Variants in PRR11 observed in about 807,000 individuals in gnomAD.
The protein encoded by PRR11 is proline rich 11.
PRR11 carries 30 observed loss-of-function variants against 45.6 expected under a neutral mutation model. That is an observed-to-expected ratio of 0.66 (90% CI 0.49 to 0.89). The LOEUF (loss-of-function observed/expected upper bound fraction) is 0.89, where lower values mean the gene tolerates loss of function less well. Ranked by LOEUF, PRR11 falls within the 40% of genes least tolerant of loss-of-function variation. The pLI, the probability that PRR11 is intolerant of heterozygous loss-of-function variation, is 0.00. For synonymous variants in PRR11, 128 were observed against 153.5 expected (o/e 0.83, Z 1.23); for missense variants, 373 against 424.8 (o/e 0.88, Z 1.07).
chr17:59,171,056 G>C (rs1277505877), intron 2 of PRR11, among the ~76,000 whole-genome samples: 1 of 151,848 alleles, frequency 6.6e-6, no homozygotes, highest in Non-Finnish European at 1.5e-5. Context: ...TCAGGAGATC[G>C]AGACCATCCT....
chr17:59,164,588 C>T (rs2046669903), intron 1 of PRR11, among the ~76,000 whole-genome samples: 1 of 152,104 alleles, frequency 6.6e-6, no homozygotes, highest in Non-Finnish European at 1.5e-5. Flanking sequence ...GATTCTAGGG[C>T]TCCCAATCAG....
chr17:59,193,693 C>G lies in PRR11; in HGVS notation c.604C>G (p.Pro202Ala). The G allele has an allele frequency of 6.2e-7, 1 of 1,614,030 alleles. No individual in the cohort carries two copies. Among genetic ancestry groups the G allele is most frequent in the Middle Eastern group, 1.6e-4 (1 of 6,062 alleles). ...GCCACCTCCTCCACCACCACTAGCA[C>G]CTGTGTTGCTCAGAAAACCCAGTCT... Reference protein sequence around the residue: ...PLPPPPPPLAPVLLRKPSLAK... With the variant: ...PLPPPPPPLAAVLLRKPSLAK... Residue 202 changes from proline to alanine, a missense_variant, in exon 5 of 10, where the codon CCT (proline) becomes GCT (alanine). Physicochemically the swap from Pro to Ala is conservative, Grantham distance 27. Transcript: ENST00000262293.
intron 5 of PRR11, 36 bp downstream of exon 5, chr17:59,193,770 GT>G: frequency 1.9e-6 from 3 of 1,599,892 alleles, no homozygotes; most frequent in Non-Finnish European, 2.6e-6. Flanking sequence ...GTTTTGATAT[GT>G]TTTGGTGAGT....
intron 2 of PRR11, chr17:59,175,020 C>T (rs554301710): frequency 5.5e-5 from 37 of 677,602 alleles, no homozygotes; most frequent in African/African-American, 3.1e-4. Flanking sequence ...GAACTGGAAC[C>T]GAAGTTTATG....
At chr17:59,180,510 G>GTTTTTTTTTTTTTTT (rs1555716481) in intron 2 of PRR11, among the ~76,000 whole-genome samples, 1 of 108,634 alleles carries the variant, frequency 9.2e-6, no homozygotes, top group African/African-American at 4.4e-5. Context: ...TTTTTTTTTT[G>GTTTTTTTTTTTTTTT]TTTTTTTTGT....
intron 4 of PRR11, 64 bp from the exon 5 acceptor site, chr17:59,193,428 A>T: frequency 3.3e-5 from 51 of 1,542,994 alleles, no homozygotes; most frequent in Non-Finnish European, 4.2e-5. Context: ...TATTTTGATG[A>T]CTCTCACCCT....
intron 6 of PRR11, 104 bp downstream of exon 6, chr17:59,194,959 A>AACTCCTGG: frequency 2.3e-6 from 2 of 863,308 alleles, no homozygotes; most frequent in Non-Finnish European, 3.7e-6. Context: ...GGATCACCTG[A>AACTCCTGG]GCCCAGGAGT....
At chr17:59,183,207 A>C (rs141001061) in intron 2 of PRR11, among the ~76,000 whole-genome samples, 3 of 152,178 alleles carry the variant, frequency 2.0e-5, no homozygotes, top group Non-Finnish European at 4.4e-5. Context: ...ACCACCATCC[A>C]AAAGCATCTT....
chr17:59,204,395 CAAAAAAAAA>C lies in PRR11; in HGVS notation c.*2780_*2788del. 2 of 46,350 alleles carry C rather than the reference CAAAAAAAAA, an allele frequency of 4.3e-5. No individual in the cohort carries two copies. The highest frequency in any genetic ancestry group is 6.0e-4 in the East Asian group (1 of 1,664). The allele number at this position is 46,350 out of a possible 1,614,324, so 2.9% of individuals were successfully genotyped here. On this transcript the variant is annotated 3_prime_UTR_variant, in exon 10 of 10. Coordinates refer to ENST00000262293, the MANE Select transcript of PRR11 (RefSeq NM_018304.4). ...TGGGCAACAGAGCCAGACCCTGCCT[CAAAAAAAAA>C]AAAAAAAAAAAAAAAGGCCTGGCAC...
At chr17:59,161,914 A>T (rs2147832246) in intron 1 of PRR11, among the ~76,000 whole-genome samples, 1 of 152,232 alleles carries the variant, frequency 6.6e-6, no homozygotes, top group Middle Eastern at 3.4e-3. Flanking sequence ...ACTGCTATAT[A>T]CTCTTTCAAT....
At chr17:59,184,364 G>A (rs980286442) in intron 2 of PRR11, among the ~76,000 whole-genome samples, 1 of 152,120 alleles carries the variant, frequency 6.6e-6, no homozygotes, top group Non-Finnish European at 1.5e-5. Flanking sequence ...TCAGGAGCGG[G>A]GACTGGAGAA....
chr17:59,161,095 T>A (rs1474513030), intron 1 of PRR11, among the ~76,000 whole-genome samples: 2 of 151,724 alleles, frequency 1.3e-5, no homozygotes, highest in African/African-American at 4.8e-5. Flanking sequence ...GAAAGCAGTG[T>A]AAGAAAAAAA....
chr17:59,185,508 AC>A lies in PRR11; in HGVS notation c.349del (p.Gln117AsnfsTer17). On this transcript the variant is annotated frameshift_variant, in exon 4 of 10. Coordinates refer to ENST00000262293, the MANE Select transcript of PRR11 (RefSeq NM_018304.4). LOFTEE classifies it high-confidence loss of function. The part of the protein sequence containing the change: ...ICHRELYSVK[Q>X]QFCILESKLC... ...GCCACCGAGAACTTTACAGTGTAAA[AC>A]AACAGTTTTGCATTTTGGAAAGTAA... is the stretch of plus-strand genomic sequence containing the variant. 6.2e-7 allele frequency: 1 copy of A among 1,612,672 alleles called. No individual in the cohort carries two copies. The highest frequency in any genetic ancestry group is 8.5e-7 in the Non-Finnish European group (1 of 1,179,586).
In PRR11 at chr17:59,193,748, T is replaced by C; in HGVS notation, c.645+14T>C. The C allele has an allele frequency of 6.2e-7, 1 of 1,611,466 alleles. No homozygotes were observed. Among genetic ancestry groups the C allele is most frequent in the Non-Finnish European group, 8.5e-7 (1 of 1,177,746 alleles). ...AAAGCACTTCAGGTAGGTAACAATC[T>C]AGTAATGATATGTTTTGATATGTTT... On this transcript the variant is annotated intron_variant, in intron 5 of 9. Coordinates refer to ENST00000262293, the MANE Select transcript of PRR11 (RefSeq NM_018304.4).
intron 4 of PRR11, among the ~76,000 whole-genome samples, chr17:59,189,830 T>TA (rs1396391014): frequency 5.3e-5 from 8 of 152,128 alleles, no homozygotes; most frequent in Non-Finnish European, 2.9e-5. Context: ...AAACAGACCT[T>TA]AAAAATTAAA....
At chr17:59,176,218 A>G (rs2046744770) in intron 2 of PRR11, among the ~76,000 whole-genome samples, 2 of 152,192 alleles carry the variant, frequency 1.3e-5, no homozygotes, top group Admixed American at 6.5e-5. Context: ...GTGAAGCCAC[A>G]CCAGGAAACA....
At chr17:59,170,927 A>G (rs1231616682) in intron 2 of PRR11, among the ~76,000 whole-genome samples, 3 of 152,186 alleles carry the variant, frequency 2.0e-5, no homozygotes, top group African/African-American at 7.2e-5. Context: ...TCTTGAAAAC[A>G]CACAGCTCAT....
chr17:59,185,137 A>G lies in PRR11; in HGVS notation c.212A>G (p.Asp71Gly). The G allele has an allele frequency of 6.2e-7, 1 of 1,613,986 alleles. No individual in the cohort carries two copies. Among genetic ancestry groups the G allele is most frequent in the Non-Finnish European group, 8.5e-7 (1 of 1,179,896 alleles). The change falls in exon 3 of 10, where the codon GAT becomes GGT. Residue 71 changes from aspartate (D) to glycine (G), a missense_variant. Physicochemically the swap from Asp to Gly is moderately conservative, Grantham distance 94 (BLOSUM62 -1). Transcript: ENST00000262293. ...SWNFNFPNIRDAIKLWTNRVW... is the reference protein window; with the variant it reads ...SWNFNFPNIRGAIKLWTNRVW... ...AACTTCAATTTTCCTAACATCAGAG[A>G]TGCAATAAAACTTTGGACAAATAGA...
At chr17:59,190,612 A>G (rs2046836371) in intron 4 of PRR11, among the ~76,000 whole-genome samples, 1 of 152,266 alleles carries the variant, frequency 6.6e-6, no homozygotes, top group African/African-American at 2.4e-5. Context: ...AATCCGGCTT[A>G]AGCCCATAAA....
Sources: allele counts gnomAD v4.1 joint callset (sites outside exome capture counted in the v4.1 genomes callset), GRCh38; gene constraint gnomAD v4.1.1; transcripts MANE v1.5; gene names NCBI Gene and HGNC (gene_info 2026-07-23, HGNC 2026-07-21).